The following NAALADL2 variants were observed in gnomAD, a reference collection of about 807,000 sequenced individuals.
NAALADL2 encodes N-acetylated alpha-linked acidic dipeptidase like 2.
NAALADL2 carries 76 observed loss-of-function variants against 87.2 expected under a neutral mutation model. That is an observed-to-expected ratio of 0.87 (90% CI 0.72 to 1.05). The LOEUF is 1.05. NAALADL2 is among the 50% of genes least tolerant of loss of function. The pLI is 0.00. For synonymous variants in NAALADL2, 354 were observed against 331.0 expected (o/e 1.07, Z -0.75); for missense variants, 1,089 against 945.8 (o/e 1.15, Z -1.99).
At chr3:175,093,069 T>C (rs1174278266) in intron 1 of NAALADL2, among the ~76,000 whole-genome samples, 8 of 151,824 alleles carry the variant, frequency 5.3e-5, no homozygotes, top group Non-Finnish European at 1.2e-4. Flanking sequence ...ACATGTACTT[T>C]TAACACTCAC....
intron 2 of NAALADL2, among the ~76,000 whole-genome samples, chr3:175,148,351 G>A (rs971402697): frequency 6.6e-6 from 1 of 151,770 alleles, no homozygotes; most frequent in Non-Finnish European, 1.5e-5. Flanking sequence ...ATCTTTGTGG[G>A]ATACTTAATT....
chr3:175,707,143 T>C (rs185736355), intron 11 of NAALADL2, among the ~76,000 whole-genome samples: 1 of 152,206 alleles, frequency 6.6e-6, no homozygotes, highest in African/African-American at 2.4e-5. Context: ...TTATTAAACA[T>C]GTGCAGATGT....
chr3:175,264,377 T>C (rs908781266), intron 4 of NAALADL2, among the ~76,000 whole-genome samples: 1 of 151,792 alleles, frequency 6.6e-6, no homozygotes, highest in Non-Finnish European at 1.5e-5. Context: ...GCCCTTAATA[T>C]CTGTATGAGG....
intron 2 of NAALADL2, among the ~76,000 whole-genome samples, chr3:175,138,768 A>G (rs1054270069): frequency 1.3e-5 from 2 of 149,090 alleles, no homozygotes; most frequent in African/African-American, 4.9e-5. Context: ...TTTTGAATGT[A>G]GGAAATACAC....
At chr3:174,570,195 G>T (rs1408590278) in intron 2 of NAALADL2, among the ~76,000 whole-genome samples, 3 of 151,052 alleles carry the variant, frequency 2.0e-5, no homozygotes, top group Non-Finnish European at 2.9e-5. Context: ...TACATTTATT[G>T]ATTTATTTAT....
At chr3:175,307,712 A>G (rs896571326) in intron 4 of NAALADL2, among the ~76,000 whole-genome samples, 1 of 152,186 alleles carries the variant, frequency 6.6e-6, no homozygotes, top group Non-Finnish European at 1.5e-5. Flanking sequence ...AGAATTGAAC[A>G]TTGTGGATTT....
chr3:175,092,340 T>G (rs1720301424), intron 1 of NAALADL2, among the ~76,000 whole-genome samples: 1 of 151,660 alleles, frequency 6.6e-6, no homozygotes, highest in Admixed American at 6.6e-5. Flanking sequence ...TTTAGAGATT[T>G]ACAAGGTCAG....
intron 5 of NAALADL2, among the ~76,000 whole-genome samples, chr3:175,338,041 C>T (rs1046069159): frequency 6.6e-6 from 1 of 152,126 alleles, no homozygotes; most frequent in Non-Finnish European, 1.5e-5. Context: ...ACAGCTTTTA[C>T]ACTAGTAAAG....
In NAALADL2 at chr3:174,519,299, TGAAACAAGTGAATGAATGAAGA is replaced by T. The variant is rs1269062296; in HGVS notation, c.-183-31269_-183-31248del. On this transcript the variant is annotated intron_variant, in intron 1 of 3. Coordinates refer to the NAALADL2 transcript ENST00000434257. ...TAAGATTAGCCCTCAGCAAAGTTTTTGAAACAAGTGAATGAATGAAGATTTCCTTTTTTTTTTTTTTTTTTGA... is the reference window on the plus strand; with the variant it reads ...TAAGATTAGCCCTCAGCAAAGTTTTTTTTCCTTTTTTTTTTTTTTTTTTGA... Among the ~76,000 whole-genome samples, 353 of 151,098 alleles carry T rather than the reference TGAAACAAGTGAATGAATGAAGA, an allele frequency of 2.3e-3. 8 individuals are homozygous for T. Among genetic ancestry groups the T allele is most frequent in the African/African-American group, 8.3e-3 (339 of 40,712 alleles).
intron 10 of NAALADL2, among the ~76,000 whole-genome samples, chr3:175,579,785 T>G (rs948759881): frequency 6.6e-6 from 1 of 152,208 alleles, no homozygotes; most frequent in African/African-American, 2.4e-5. Flanking sequence ...GGTGATCCAA[T>G]GCACATTTCC....
At chr3:175,501,859 C>G (rs1729592532) in intron 9 of NAALADL2, among the ~76,000 whole-genome samples, 1 of 151,880 alleles carries the variant, frequency 6.6e-6, no homozygotes, top group South Asian at 2.1e-4. Context: ...GAACTGTGAA[C>G]TTTAGTAGTT....
At chr3:175,744,204 A>T (rs1035585030) in intron 12 of NAALADL2, among the ~76,000 whole-genome samples, 3 of 152,216 alleles carry the variant, frequency 2.0e-5, no homozygotes, top group Admixed American at 6.5e-5. Flanking sequence ...CACAGGAGGA[A>T]CAAAACAAAA....
At chr3:175,529,793 A>T (rs12490913) in intron 9 of NAALADL2, among the ~76,000 whole-genome samples, 2,060 of 152,282 alleles carry the variant, frequency 0.014, 55 homozygotes, top group Admixed American at 0.057. Flanking sequence ...CCGTGAGTCC[A>T]TGGATCGTAG....
At chr3:174,951,003 G>A (rs1740260129) in intron 1 of NAALADL2, among the ~76,000 whole-genome samples, 1 of 152,022 alleles carries the variant, frequency 6.6e-6, no homozygotes, top group Non-Finnish European at 1.5e-5. Context: ...AGGACAGAAG[G>A]ATGTGCTGGT....
chr3:175,133,669 G>A (rs960483830), intron 2 of NAALADL2, among the ~76,000 whole-genome samples: 2 of 152,192 alleles, frequency 1.3e-5, no homozygotes, highest in Non-Finnish European at 2.9e-5. Flanking sequence ...CCAGATGGCA[G>A]CAGTACAGTC....
rs911409290 is a variant in NAALADL2 at position 175,384,100 on chromosome 3, C to T, written c.1090+59775C>T. Among the ~76,000 whole-genome samples, 18 of 152,116 alleles carry T rather than the reference C, an allele frequency of 1.2e-4. 1 individual carries two copies. The highest frequency in any genetic ancestry group is 4.6e-4 in the Admixed American group (7 of 15,276). On this transcript the variant is annotated intron_variant, in intron 5 of 13. Transcript: ENST00000454872. Reference sequence around the variant, plus strand: ...GTAATAGCTGAGTAATGTTGAATCTCTCTTTTCTCCCCTGCCTTATTGCTC... The same window carrying T: ...GTAATAGCTGAGTAATGTTGAATCTTTCTTTTCTCCCCTGCCTTATTGCTC...
At chr3:174,569,423 A>G (rs2108530386) in intron 2 of NAALADL2, among the ~76,000 whole-genome samples, 1 of 152,206 alleles carries the variant, frequency 6.6e-6, no homozygotes, top group South Asian at 2.1e-4. Flanking sequence ...ATGAATTTTG[A>G]CAAATATGTG....
At chr3:175,378,260 G>T (rs951774734) in intron 5 of NAALADL2, among the ~76,000 whole-genome samples, 1 of 152,188 alleles carries the variant, frequency 6.6e-6, no homozygotes, top group Admixed American at 6.5e-5. Flanking sequence ...AGCAAAGCAG[G>T]TGGGAGTTAA....
chr3:174,763,839 A>C (rs546489914), intron 3 of NAALADL2, among the ~76,000 whole-genome samples: 154 of 151,902 alleles, frequency 1.0e-3, no homozygotes, highest in Non-Finnish European at 2.0e-3. Context: ...CAAAAAAAAA[A>C]AAACAAACAA....
Sources: allele counts gnomAD v4.1 joint callset (sites outside exome capture counted in the v4.1 genomes callset), GRCh38; gene constraint gnomAD v4.1.1; transcripts MANE v1.5; gene names NCBI Gene and HGNC (gene_info 2026-07-23, HGNC 2026-07-21).